The following TPCN2 variants were observed in gnomAD, a reference collection of about 807,000 sequenced individuals.
The protein encoded by TPCN2 is two pore segment channel 2, also known as two pore channel protein 2.
In TPCN2, 92 loss-of-function variants were observed where a neutral mutation model predicts 111.4. That is an observed-to-expected ratio of 0.83 (90% CI 0.70 to 0.98). The LOEUF is 0.98. Among genes scored for constraint, TPCN2 ranks in the 50% least tolerant of loss-of-function variants. The pLI, the probability that TPCN2 is intolerant of heterozygous loss-of-function variation, is 0.00. For synonymous variants in TPCN2, 405 were observed against 414.5 expected, an observed-to-expected ratio of 0.98 and a Z score of 0.28; for missense variants, 995 against 980.1, an observed-to-expected ratio of 1.02 and a Z score of -0.20.
At chr11:69,087,288 G>A (rs939849537) in intron 24 of TPCN2, 82 bp downstream of exon 24, 13 of 1,248,698 alleles carry the variant, frequency 1.0e-5, no homozygotes, top group South Asian at 6.4e-5. Flanking sequence ...TTGAGGCGGC[G>A]GGCAGGCCCT....
intron 13 of TPCN2, among the ~76,000 whole-genome samples, chr11:69,073,333 G>C (rs1855619542): frequency 6.6e-6 from 1 of 152,242 alleles, no homozygotes; most frequent in Admixed American, 6.5e-5. Flanking sequence ...CAAGGCCTTT[G>C]CCTTTCACCC....
intron 6 of TPCN2, 88 bp from the exon 7 acceptor site, chr11:69,063,807 G>C: frequency 7.7e-7 from 1 of 1,299,444 alleles, no homozygotes; most frequent in Non-Finnish European, 1.1e-6. Flanking sequence ...AGACTCTTGG[G>C]CGCTCCTGTC....
intron 17 of TPCN2, among the ~76,000 whole-genome samples, chr11:69,080,842 G>T (rs1855975603): frequency 1.3e-5 from 2 of 152,224 alleles, no homozygotes; most frequent in Admixed American, 6.5e-5. Context: ...TACCTTGGGG[G>T]GCTGACACTG....
chr11:69,051,732 G>A (rs754344831), intron 1 of TPCN2, among the ~76,000 whole-genome samples: 38 of 152,338 alleles, frequency 2.5e-4, no homozygotes, highest in African/African-American at 6.5e-4. Flanking sequence ...AGCTCAGGGC[G>A]GGGCGAGCTG....
chr11:69,070,477 A>T lies in TPCN2; in HGVS notation c.877A>T (p.Ile293Leu), dbSNP rs750321261. The part of the protein sequence containing the change: ...SKNRAYAIFF[I>L]VFTVIGSLFL... ...GAACCGGGCCTATGCCATCTTCTTC[A>T]TAGTCTTCACTGTGATAGGTGAGTG... Residue 293 changes from isoleucine (I) to leucine (L), a missense_variant, in exon 9 of 25, where the codon ATA becomes TTA. Ile to Leu is a conservative substitution (Grantham distance 5). Transcript: ENST00000294309. 6.8e-6 allele frequency: 11 copies of T among 1,610,028 alleles called. No homozygotes were observed. Among genetic ancestry groups the T allele is most frequent in the Non-Finnish European group, 9.3e-6 (11 of 1,178,450 alleles).
intron 18 of TPCN2, among the ~76,000 whole-genome samples, chr11:69,081,800 C>T (rs1214677261): frequency 6.6e-6 from 1 of 152,034 alleles, no homozygotes; most frequent in Non-Finnish European, 1.5e-5. Context: ...CACCAGTGCT[C>T]CCCCAGGTCT....
chr11:69,079,107 C>A, intron 16 of TPCN2, 87 bp downstream of exon 16: 1 of 1,487,218 alleles, frequency 6.7e-7, no homozygotes, highest in East Asian at 2.3e-5. Context: ...TCAGGCCTCC[C>A]CTGAGGACTA....
At chr11:69,054,414 C>T (rs999375686) in intron 2 of TPCN2, 27 of 563,466 alleles carry the variant, frequency 4.8e-5, no homozygotes, top group African/African-American at 4.7e-4. Flanking sequence ...CAGCCTTGCA[C>T]AGAGAAGAGA....
At chr11:69,085,810 C>T (rs1856248493) in intron 21 of TPCN2, 38 bp from the exon 22 acceptor site, 1 of 1,613,274 alleles carries the variant, frequency 6.2e-7, no homozygotes, top group African/African-American at 1.3e-5. Context: ...CTCCCTACCT[C>T]CTGGGCCCTC....
At chr11:69,062,391 T>G (rs542694218) in intron 5 of TPCN2, among the ~76,000 whole-genome samples, 59 of 150,030 alleles carry the variant, frequency 3.9e-4, no homozygotes, top group Non-Finnish European at 8.0e-4. Flanking sequence ...AGTGTGGGGG[T>G]GTGGAGGTGG....
At chr11:69,051,966 G>A (rs142176389) in intron 1 of TPCN2, among the ~76,000 whole-genome samples, 176 of 152,290 alleles carry the variant, frequency 1.2e-3, no homozygotes, top group African/African-American at 4.1e-3. Flanking sequence ...TGGGGGCCCA[G>A]GGGAAGCTGC....
intron 24 of TPCN2, 62 bp downstream of exon 24, chr11:69,087,268 G>T: frequency 2.0e-6 from 3 of 1,500,376 alleles, no homozygotes; most frequent in East Asian, 2.3e-5. Context: ...AGAGCTGGGG[G>T]GTGGAGGGGT....
chr11:69,079,214 G>T, intron 16 of TPCN2, 194 bp downstream of exon 16: 1 of 691,342 alleles, frequency 1.4e-6, no homozygotes, highest in South Asian at 2.1e-5. Context: ...TCTTTAGGAG[G>T]CTGGGTTTCT....
In TPCN2 at chr11:69,088,114, T is replaced by C. The variant is rs1461048748; in HGVS notation, c.*161T>C. On this transcript the variant is annotated 3_prime_UTR_variant, in exon 25 of 25. Coordinates refer to ENST00000294309, the MANE Select transcript of TPCN2 (RefSeq NM_139075.4). ...GGACAGGAACCAAGTCCTTTGCGTG[T>C]GGCCCAACAACCATCTACAGAACAG... is the stretch of plus-strand genomic sequence containing the variant. The C allele has an allele frequency of 2.1e-5, 13 of 623,884 alleles. No individual in the cohort carries two copies. The highest frequency in any genetic ancestry group is 1.8e-4 in the South Asian group (9 of 50,164). 38.6% of individuals were successfully genotyped at this position (623,884 alleles called of 1,614,324 possible). A position where few individuals can be genotyped will look rare whatever the true frequency, so the allele number is the denominator to read the frequency against.
In TPCN2 at chr11:69,072,038, T is replaced by C. The variant is rs1245160405; in HGVS notation, c.1061+15T>C. The C allele has an allele frequency of 6.2e-7, 1 of 1,603,378 alleles. No individual in the cohort carries two copies. The highest frequency in any genetic ancestry group is 1.1e-5 in the South Asian group (1 of 90,568). On this transcript the variant is annotated intron_variant, in intron 11 of 24. Coordinates refer to ENST00000294309, the MANE Select transcript of TPCN2 (RefSeq NM_139075.4). ...TTCCCTCAGGCGTGAGTGCTGGGCA[T>C]GGACCCTCTTCTCCCTGAGGGTGGG...
chr11:69,070,157 TG>T (rs974034383), intron 8 of TPCN2, among the ~76,000 whole-genome samples: 1 of 152,088 alleles, frequency 6.6e-6, no homozygotes, highest in Non-Finnish European at 1.5e-5. Flanking sequence ...CCCGAGTAGC[TG>T]GGTTTACAGG....
chr11:69,068,274 G>A (rs1855363240), intron 8 of TPCN2, among the ~76,000 whole-genome samples: 6 of 151,432 alleles, frequency 4.0e-5, no homozygotes. Flanking sequence ...GTGGGAGCAG[G>A]ACCGTCTGAG....
Position 69,078,551 on chromosome 11 carries a change from T to G in TPCN2, c.1300T>G (p.Phe434Val), listed in dbSNP as rs201137979. 10 of 1,614,104 alleles carry G rather than the reference T, an allele frequency of 6.2e-6. No individual in the cohort carries two copies. Among genetic ancestry groups the G allele is most frequent in the Non-Finnish European group, 8.5e-6 (10 of 1,180,030 alleles). Residue 434 changes from phenylalanine (F) to valine (V), a missense_variant, in exon 14 of 25, where the codon TTT (phenylalanine) becomes GTT (valine). Coordinates refer to ENST00000294309, the MANE Select transcript of TPCN2 (RefSeq NM_139075.4). Reference sequence around the variant, plus strand: ...CCAGTTCCTCTTCGGCCACTACTACTTTGACTACCTGGGGAACCTCATCGC... The same window carrying G: ...CCAGTTCCTCTTCGGCCACTACTACGTTGACTACCTGGGGAACCTCATCGC... ...SAQFLFGHYY[F>V]DYLGNLIALA...
rs2134656354 is a variant in TPCN2, at chr11:69,090,422, T to A, written c.*2469T>A. On this transcript the variant is annotated 3_prime_UTR_variant, in exon 25 of 25. Coordinates refer to ENST00000294309, the MANE Select transcript of TPCN2 (RefSeq NM_139075.4). ...CTGCTCATCCGACTGGGGCTTTGAC[T>A]CCCACACTGTGTACCCCTCTTGTGT... is the stretch of plus-strand genomic sequence containing the variant. 6.6e-6 allele frequency: 1 copy of A among 152,178 alleles called. No individual in the cohort carries two copies. Among genetic ancestry groups the A allele is most frequent in the East Asian group, 1.9e-4 (1 of 5,182 alleles). 9.4% of individuals were successfully genotyped at this position (152,178 alleles called of 1,614,324 possible). A position where few individuals can be genotyped will look rare whatever the true frequency, so the allele number is the denominator to read the frequency against.
Sources: gnomAD v4.1 joint callset for allele counts (sites outside exome capture counted in the v4.1 genomes callset) on GRCh38, gnomAD v4.1.1 for gene constraint, MANE v1.5 for transcripts, NCBI Gene and HGNC (gene_info 2026-07-23, HGNC 2026-07-21) for gene names.